RAB3GAP1: variants seen among roughly 807,000 people sequenced by gnomAD.
RAB3GAP1 encodes RAB3 GTPase activating protein catalytic subunit 1, also known as rab3 GTPase-activating protein catalytic subunit.
Under a neutral mutation model 130.7 loss-of-function variants are expected in RAB3GAP1, and 86 were observed. The ratio of observed to expected loss-of-function variants is 0.66; its 90% confidence interval spans 0.55 to 0.79. RAB3GAP1 has a LOEUF of 0.79. Among genes scored for constraint, RAB3GAP1 ranks in the 30% least tolerant of loss-of-function variants. The pLI, the probability that RAB3GAP1 is intolerant of heterozygous loss-of-function variation, is 0.00. For synonymous variants in RAB3GAP1, 367 were observed against 401.7 expected, an observed-to-expected ratio of 0.91 and a Z score of 1.03; for missense variants, 1,029 against 1,169.4, an observed-to-expected ratio of 0.88 and a Z score of 1.75.
chr2:135,117,083 T>G (rs1690994194), intron 7 of RAB3GAP1, among the ~76,000 whole-genome samples: 1 of 151,952 alleles, frequency 6.6e-6, no homozygotes, highest in Non-Finnish European at 1.5e-5. Context: ...GAAATTAGAG[T>G]AAAAGCTTCC....
intron 2 of RAB3GAP1, among the ~76,000 whole-genome samples, chr2:135,056,965 A>G (rs1689031001): frequency 6.6e-6 from 1 of 152,214 alleles, no homozygotes. Context: ...CAGTACTTCC[A>G]GGTGTTTAGA....
chr2:135,081,703 C>G (rs967719820), intron 3 of RAB3GAP1, among the ~76,000 whole-genome samples: 2 of 151,878 alleles, frequency 1.3e-5, no homozygotes, highest in Non-Finnish European at 2.9e-5. Context: ...TTATTTTATT[C>G]CAGAAATAGA....
intron 3 of RAB3GAP1, among the ~76,000 whole-genome samples, chr2:135,072,153 C>G (rs551979690): frequency 6.6e-6 from 1 of 152,276 alleles, no homozygotes; most frequent in African/African-American, 2.4e-5. Context: ...TCAAGTGATC[C>G]TCCTACCTCA....
intron 3 of RAB3GAP1, among the ~76,000 whole-genome samples, chr2:135,076,948 T>C (rs975623811): frequency 2.6e-5 from 4 of 152,204 alleles, no homozygotes; most frequent in Admixed American, 2.0e-4. Context: ...TGAATAATAT[T>C]CCATTATATG....
rs373936907 is a variant in RAB3GAP1 at position 135,108,438 on chromosome 2, T to A, written c.363-4713T>A. On this transcript the variant is annotated intron_variant, in intron 5 of 23. Transcript: ENST00000264158. ...ATTTCACTTCCCTGATTACATGTGA[T>A]ATGGAACATCTTTTCATACGCTTGT... 7.9e-5 allele frequency among the ~76,000 whole-genome samples: 12 copies of A among 152,142 alleles called. No individual in the cohort carries two copies. The South Asian group carries it at 2.5e-3, about 32-fold the overall frequency.
rs866207759 is a variant in RAB3GAP1, at chr2:135,081,327, A to T, written c.151-9671A>T. Reference sequence around the variant, plus strand: ...GTCTCAAAAAAAAAAAAAAAAAAAAAATATATATATATATATATATATATA... The same window carrying T: ...GTCTCAAAAAAAAAAAAAAAAAAAATATATATATATATATATATATATATA... On this transcript the variant is annotated intron_variant, in intron 3 of 23. Coordinates refer to ENST00000264158, the MANE Select transcript of RAB3GAP1 (RefSeq NM_012233.3). Among the ~76,000 whole-genome samples, 341 of 63,718 alleles carry T rather than the reference A, an allele frequency of 5.4e-3. 5 individuals carry two copies. Among genetic ancestry groups the T allele is most frequent in the African/African-American group, 0.024 (252 of 10,618 alleles). 41.8% of individuals were successfully genotyped at this position (63,718 alleles called of 152,430 possible).
intron 5 of RAB3GAP1, among the ~76,000 whole-genome samples, chr2:135,106,595 A>G (rs960001746): frequency 6.6e-6 from 1 of 152,096 alleles, no homozygotes; most frequent in African/African-American, 2.4e-5. Context: ...AATCTCAAGT[A>G]TCCAGGGACA....
Position 135,124,232 on chromosome 2 carries a change from C to T in RAB3GAP1, c.816C>T (p.Cys272=), listed in dbSNP as rs199898437. The stretch of plus-strand genomic sequence containing the variant: ...TTGGCAAGTTACCATTTGGTGCCTG[C>T]GAAGATCCTATTAGGTGAGAATTTC... The part of the protein sequence containing the change: ...LEFGKLPFGA[C]EDPISELHLA... Residue 272 remains cysteine (C), a synonymous_variant, in exon 9 of 24, where the codon TGC becomes TGT. Coordinates refer to ENST00000264158, the MANE Select transcript of RAB3GAP1 (RefSeq NM_012233.3). The T allele has an allele frequency of 7.2e-5, 116 of 1,613,750 alleles. 1 individual carries two copies. Among genetic ancestry groups the T allele is most frequent in the East Asian group, 6.2e-4 (28 of 44,896 alleles).
At chr2:135,065,561 A>T (rs2104833447) in intron 3 of RAB3GAP1, among the ~76,000 whole-genome samples, 1 of 152,298 alleles carries the variant, frequency 6.6e-6, no homozygotes, top group Admixed American at 6.5e-5. Flanking sequence ...TTAAAATATA[A>T]AAAGTTCATC....
In RAB3GAP1 at chr2:135,169,974, TA is replaced by T. The variant is rs200869351; in HGVS notation, c.*1208del. 55,979 of 213,856 alleles carry T rather than the reference TA, an allele frequency of 0.26. 4,234 individuals are homozygous for T. Among genetic ancestry groups the T allele is most frequent in the African/African-American group, 0.38 (15,312 of 40,656 alleles). 13.2% of individuals were successfully genotyped at this position (213,856 alleles called of 1,614,324 possible). The stretch of plus-strand genomic sequence containing the variant: ...AGCTGTGCAAACCCTGTTATTTTTG[TA>T]AAAAAAAAAAAAAATACATATCTAT... On this transcript the variant is annotated 3_prime_UTR_variant, in exon 24 of 24. Transcript: ENST00000264158.
At position 135,169,283 on chromosome 2, in the gene RAB3GAP1, A is replaced by G. The variant is rs575146296; in HGVS notation, c.*502A>G. On this transcript the variant is annotated 3_prime_UTR_variant, in exon 24 of 24. Transcript: ENST00000264158. Reference sequence around the variant, plus strand: ...TAAAATACTACATGACATTCTGTCTATTCAATCACCTGGTGGTCATCTTTC... The same window carrying G: ...TAAAATACTACATGACATTCTGTCTGTTCAATCACCTGGTGGTCATCTTTC... 1.7e-4 allele frequency: 38 copies of G among 220,292 alleles called. No individual in the cohort carries two copies. The highest frequency in any genetic ancestry group is 7.6e-4 in the African/African-American group (33 of 43,444). 13.6% of individuals were successfully genotyped at this position (220,292 alleles called of 1,614,324 possible). A position where few individuals can be genotyped will look rare whatever the true frequency, so the allele number is the denominator to read the frequency against.
chr2:135,106,199 G>A lies in RAB3GAP1; in HGVS notation c.363-6952G>A, dbSNP rs189033447. ...GAGGTGGGGGGTGCCTCTGCCCGGC[G>A]GCCCCTTCTGGGAAGTGAGGAGCCC... is the stretch of plus-strand genomic sequence containing the variant. On this transcript the variant is annotated intron_variant, in intron 5 of 23. Coordinates refer to ENST00000264158, the MANE Select transcript of RAB3GAP1 (RefSeq NM_012233.3). Among the ~76,000 whole-genome samples the A allele has an allele frequency of 4.4e-3, 663 of 149,530 alleles. 14 individuals carry two copies. Among genetic ancestry groups the A allele is most frequent in the Admixed American group, 0.029 (442 of 15,094 alleles).
chr2:135,104,735 T>A (rs1309002783), intron 5 of RAB3GAP1, among the ~76,000 whole-genome samples: 2 of 150,540 alleles, frequency 1.3e-5, no homozygotes, highest in Admixed American at 1.3e-4. Flanking sequence ...AATAAATAAA[T>A]AAAATTAGCT....
chr2:135,141,278 G>A (rs1269164686), intron 17 of RAB3GAP1, among the ~76,000 whole-genome samples: 4 of 148,700 alleles, frequency 2.7e-5, no homozygotes, highest in Non-Finnish European at 5.9e-5. Context: ...AGGCTGGAGT[G>A]CAGTGGTGTG....
At chr2:135,100,625 C>T (rs1438492114) in intron 5 of RAB3GAP1, among the ~76,000 whole-genome samples, 1 of 152,082 alleles carries the variant, frequency 6.6e-6, no homozygotes, top group Non-Finnish European at 1.5e-5. Flanking sequence ...TTTAGGAAGC[C>T]AACAACAAAG....
At chr2:135,123,970 C>T in intron 8 of RAB3GAP1, 195 bp from the exon 9 acceptor site, 1 of 577,624 alleles carries the variant, frequency 1.7e-6, no homozygotes, top group Admixed American at 3.0e-5. Flanking sequence ...AATAAGTGTG[C>T]CCTTTTACTG....
At chr2:135,104,621 G>A (rs113281932) in intron 5 of RAB3GAP1, among the ~76,000 whole-genome samples, 16,340 of 151,944 alleles carry the variant, frequency 0.11, 2,173 homozygotes, top group African/African-American at 0.32. Flanking sequence ...GGGAGGCTGA[G>A]GTGGGCAGAT....
At chr2:135,112,323 C>G (rs938829463) in intron 5 of RAB3GAP1, among the ~76,000 whole-genome samples, 11 of 152,236 alleles carry the variant, frequency 7.2e-5, no homozygotes, top group African/African-American at 2.7e-4. Context: ...CTATACCAGC[C>G]AAAAGGCTAA....
At chr2:135,137,048 C>T (rs887274941) in intron 17 of RAB3GAP1, 8 of 253,908 alleles carry the variant, frequency 3.2e-5, no homozygotes, top group African/African-American at 1.8e-4. Flanking sequence ...TTTGATGACA[C>T]CACTGTACTC....
Sources: gnomAD v4.1 joint callset for allele counts (sites outside exome capture counted in the v4.1 genomes callset) on GRCh38, gnomAD v4.1.1 for gene constraint, MANE v1.5 for transcripts, NCBI Gene and HGNC (gene_info 2026-07-23, HGNC 2026-07-21) for gene names.